Variants in IAH1 observed in about 807,000 individuals in gnomAD.
IAH1 encodes isoamyl acetate hydrolyzing esterase 1 (putative).
IAH1 carries 24 observed loss-of-function variants against 26.7 expected under a neutral mutation model. That is an observed-to-expected ratio of 0.90 (90% confidence interval 0.65 to 1.26). The LOEUF is 1.26. Among genes scored for constraint, IAH1 ranks in the 50% most tolerant of loss-of-function variants. The probability of loss-of-function intolerance (pLI) is 0.00; values close to 1 mark genes in which losing one functional copy is unlikely to be tolerated. For missense variants in IAH1, 300 were observed against 299.9 expected, an observed-to-expected ratio of 1.00 and a Z score of 0.00; for synonymous variants, 140 against 118.5, an observed-to-expected ratio of 1.18 and a Z score of -1.18.
intron 6 of IAH1, chr2:9,496,224 G>T (rs2124972999): frequency 6.6e-6 from 1 of 152,302 alleles, no homozygotes; most frequent in African/African-American, 2.4e-5. Context: ...CGCCCCCTGG[G>T]TTCAAGCAAT....
the IAH1 span, among the ~76,000 whole-genome samples, chr2:9,503,631 G>C: frequency 6.6e-6 from 1 of 152,070 alleles, no homozygotes. Context: ...ACGAAGTCAG[G>C]AGTTCGAGAC....
At chr2:9,484,580 T>G (rs1572848340) in intron 5 of IAH1, 30 bp downstream of exon 5, 1 of 1,440,796 alleles carries the variant, frequency 6.9e-7, no homozygotes, top group South Asian at 1.1e-5. Context: ...CCTCTCGGGG[T>G]AAATAGGATC....
At chr2:9,502,710 C>G in the IAH1 span, among the ~76,000 whole-genome samples, 2 of 151,786 alleles carry the variant, frequency 1.3e-5, no homozygotes, top group Non-Finnish European at 2.9e-5. Context: ...GAAACCCCAT[C>G]TCTACTAAAA....
chr2:9,482,881 G>A (rs1393046099), intron 4 of IAH1, among the ~76,000 whole-genome samples: 1 of 152,226 alleles, frequency 6.6e-6, no homozygotes, highest in Admixed American at 6.5e-5. Context: ...CCCTATTGCT[G>A]TGCATGAGAC....
chr2:9,486,860 T>G (rs1420609265), intron 5 of IAH1: 1 of 150,906 alleles, frequency 6.6e-6, no homozygotes, highest in Non-Finnish European at 1.5e-5. Context: ...CATAAGCTAG[T>G]TGGCCACCCA....
downstream of IAH1, chr2:9,497,157 A>G (rs763358232): frequency 1.5e-5 from 25 of 1,614,216 alleles, 1 homozygote; most frequent in East Asian, 5.6e-4. Flanking sequence ...TCTCGCAGAA[A>G]GGGATGCATT....
downstream of IAH1, among the ~76,000 whole-genome samples, chr2:9,501,064 G>A (rs532971707): frequency 3.1e-5 from 3 of 96,116 alleles, no homozygotes; most frequent in East Asian, 3.9e-4. Flanking sequence ...GATAGGAGAC[G>A]TATGCCCAAA....
intron 1 of IAH1, chr2:9,475,080 C>T: frequency 8.1e-7 from 1 of 1,235,150 alleles, no homozygotes; most frequent in Non-Finnish European, 1.0e-6. Context: ...TCTCTCGCCC[C>T]ATTCCCTGCG....
the IAH1 span, chr2:9,506,991 T>C: frequency 6.6e-6 from 1 of 152,138 alleles, no homozygotes; most frequent in South Asian, 2.1e-4. Context: ...TCAGCAAACC[T>C]TCCTAAGAAG....
chr2:9,487,813 TGTGTGTGTGTGTGTGTGTGTGCGCGCGC>T (rs1468170511), intron 5 of IAH1, among the ~76,000 whole-genome samples: 42 of 103,310 alleles, frequency 4.1e-4, no homozygotes, highest in African/African-American at 1.7e-3. Context: ...TGTGTGTGTG[TGTGTGTGTGTGTGTGTGTGTGCGCGCGC>T]GCGCGCGCGC....
chr2:9,479,298 A>G (rs968357031), intron 3 of IAH1, among the ~76,000 whole-genome samples: 2 of 152,002 alleles, frequency 1.3e-5, no homozygotes, highest in African/African-American at 4.8e-5. Context: ...TAAGTATAAG[A>G]GCAGTGGAGG....
At position 9,474,865 on chromosome 2, in the gene IAH1, C is replaced by G; in HGVS notation, c.81+218C>G. 2 of 531,578 alleles carry G rather than the reference C, an allele frequency of 3.8e-6. No homozygotes were observed. The highest frequency in any genetic ancestry group is 5.7e-6 in the Non-Finnish European group (2 of 353,718). The allele number at this position is 531,578 out of a possible 1,614,324, so 32.9% of individuals were successfully genotyped here. A position where few individuals can be genotyped will look rare whatever the true frequency, so the allele number is the denominator to read the frequency against. ...GGTCACGACGGCGTCCGCGAGAGCC[C>G]GGGCTCCAGGCACAGACGCGAGGGG... On this transcript the variant is annotated intron_variant, in intron 1 of 5. Transcript: ENST00000497473. The surrounding 1 kb of genome is among the most constrained non-coding windows in gnomAD (Gnocchi z 4.3).
At chr2:9,482,871 C>T (rs958248876) in intron 4 of IAH1, among the ~76,000 whole-genome samples, 2 of 152,162 alleles carry the variant, frequency 1.3e-5, no homozygotes, top group Non-Finnish European at 2.9e-5. Context: ...GGCAGAGGGG[C>T]CCTATTGCTG....
upstream of IAH1, chr2:9,474,481 G>A (rs186382150): frequency 8.8e-3 from 6,605 of 747,140 alleles, 322 homozygotes; most frequent in African/African-American, 0.11. The surrounding 1 kb of genome is among the most constrained non-coding windows in gnomAD (Gnocchi z 4.3). Flanking sequence ...GGGTGCCCAC[G>A]AGCCCGGCTC....
the IAH1 span, among the ~76,000 whole-genome samples, chr2:9,503,317 T>C: frequency 0.064 from 9,713 of 152,180 alleles, 1,091 homozygotes; most frequent in African/African-American, 0.22. Flanking sequence ...ACCCTTTTAC[T>C]TCTAAGCCAG....
the IAH1 span, chr2:9,502,174 T>C: frequency 6.2e-7 from 1 of 1,613,440 alleles, no homozygotes; most frequent in East Asian, 2.2e-5. Flanking sequence ...AACACGAACC[T>C]GTGCAGTAGG....
rs778654141 is a variant in IAH1, at chr2:9,481,328, C to T, written c.326C>T (p.Ala109Val). Reference protein sequence around the residue: ...KQHIPLEEYAANLKSMVQYLK... With the variant: ...KQHIPLEEYAVNLKSMVQYLK... ...CACATTCCCCTGGAGGAGTACGCTG[C>T]GAACCTAAAGAGCATGGTGCAGTAC... The change falls in exon 4 of 6, where the codon GCG (alanine) becomes GTG (valine). Residue 109 changes from alanine to valine, a missense_variant. Coordinates refer to ENST00000497473, the MANE Select transcript of IAH1 (RefSeq NM_001039613.3). 1.9e-6 allele frequency: 3 copies of T among 1,614,156 alleles called. No individual in the cohort carries two copies. The highest frequency in any genetic ancestry group is 2.5e-6 in the Non-Finnish European group (3 of 1,180,030).
At chr2:9,505,339 TG>T in the IAH1 span, 1 of 1,614,200 alleles carries the variant, frequency 6.2e-7, no homozygotes, top group Non-Finnish European at 8.5e-7. Context: ...TCTTATAGAT[TG>T]ATTGTTTACT....
downstream of IAH1, among the ~76,000 whole-genome samples, chr2:9,492,281 G>C (rs745368302): frequency 6.6e-6 from 1 of 152,174 alleles, no homozygotes; most frequent in East Asian, 1.9e-4. Flanking sequence ...GAATGGATTC[G>C]TAAGAACATT....
Sources: allele counts gnomAD v4.1 joint callset (sites outside exome capture counted in the v4.1 genomes callset), GRCh38; gene constraint gnomAD v4.1.1; non-coding constraint Gnocchi (gnomAD v3.1); transcripts MANE v1.5; gene names NCBI Gene and HGNC (gene_info 2026-07-23, HGNC 2026-07-21).